The following CLIP3 variants were observed in gnomAD, a reference collection of about 807,000 sequenced individuals.
CLIP3 encodes CAP-Gly domain containing linker protein 3.
In CLIP3, 15 loss-of-function variants were observed where a neutral mutation model predicts 59.4. That is an observed-to-expected ratio of 0.25 (90% CI 0.17 to 0.39). The LOEUF (loss-of-function observed/expected upper bound fraction) is 0.39, where lower values mean the gene tolerates loss of function less well. CLIP3 is among the 10% of genes least tolerant of loss of function. CLIP3 has a pLI of 1.00. For synonymous variants in CLIP3, 300 were observed against 321.6 expected (o/e 0.93, Z 0.72); for missense variants, 495 against 765.7 (o/e 0.65, Z 4.17).
chr19:36,032,222 AG>A lies in CLIP3; in HGVS notation c.135del (p.Ser46ArgfsTer51), dbSNP rs1354668847. 3 of 1,299,868 alleles carry A rather than the reference AG, an allele frequency of 2.3e-6. No individual in the cohort carries two copies. Among genetic ancestry groups the A allele is most frequent in the Non-Finnish European group, 3.0e-6 (3 of 1,014,350 alleles). The allele number at this position is 1,299,868 out of a possible 1,614,324, so 80.5% of individuals were successfully genotyped here. ...TCCTTAGGGAGGGGGGCAGGTGCCG[AG>A]GGGTGCACAACAGGCTTCTGCCGGC... ...QERRQKPVVH[P>X]SAPAPLPKDY... On this transcript the variant is annotated frameshift_variant, in exon 2 of 14. Transcript: ENST00000360535. LOFTEE classifies it high-confidence loss of function. This position sits in a 1 kb window ranked among gnomAD's most constrained non-coding sequence, Gnocchi z 4.3.
chr19:36,019,375 G>A (rs769884686), intron 7 of CLIP3, 69 bp from the exon 8 acceptor site: 342 of 1,545,874 alleles, frequency 2.2e-4, no homozygotes, highest in Non-Finnish European at 2.8e-4. Flanking sequence ...GCCCACACAC[G>A]GGCAGCAAGG....
chr19:36,026,739 C>T lies in CLIP3; in HGVS notation c.409G>A (p.Ala137Thr). The change falls in exon 5 of 14, where the codon GCG (alanine) becomes ACG (threonine). Residue 137 changes from alanine (A) to threonine (T), a missense_variant. Transcript: ENST00000360535. The surrounding 1 kb of genome is among the most constrained non-coding windows in gnomAD (Gnocchi z 6.3). Reference protein sequence around the residue: ...KAGAHGVGDPAAAVRLSQQLL... With the variant: ...KAGAHGVGDPTAAVRLSQQLL... ...TGCTGCGAGAGGCGCACGGCTGCCG[C>T]GGGGTCCCCTGCGCGATAGGCCGGG... The T allele has an allele frequency of 1.9e-6, 3 of 1,596,934 alleles. No individual in the cohort carries two copies. The highest frequency in any genetic ancestry group is 1.7e-6 in the Non-Finnish European group (2 of 1,175,412).
chr19:36,017,494 C>T, intron 11 of CLIP3, 44 bp from the exon 12 acceptor site: 1 of 1,609,600 alleles, frequency 6.2e-7, no homozygotes, highest in Non-Finnish European at 8.5e-7. Flanking sequence ...CCACAAAAGG[C>T]CAGGGTCTGA....
intron 2 of CLIP3, 38 bp from the exon 3 acceptor site, chr19:36,027,309 T>A (rs776154755): frequency 6.4e-7 from 1 of 1,556,268 alleles, no homozygotes; most frequent in Admixed American, 1.9e-5. Context: ...CCCACGCAAC[T>A]GACCCCCTCC....
chr19:36,016,028 A>G lies in CLIP3; in HGVS notation c.*130T>C. The G allele has an allele frequency of 2.2e-6, 2 of 896,086 alleles. No homozygotes were observed. The highest frequency in any genetic ancestry group is 3.6e-6 in the Non-Finnish European group (2 of 551,328). 55.5% of individuals were successfully genotyped at this position (896,086 alleles called of 1,614,324 possible). ...GTTAATAATGGGGCCTCAATGATCG[A>G]GGGCTGGCTAACAGGGGTCTCTACT... On this transcript the variant is annotated 3_prime_UTR_variant, in exon 14 of 14. Coordinates refer to ENST00000360535, the MANE Select transcript of CLIP3 (RefSeq NM_015526.3). The surrounding 1 kb of genome is among the most constrained non-coding windows in gnomAD (Gnocchi z 4.1).
In CLIP3 at chr19:36,019,599, TTTTA is replaced by T. The variant is rs1555787367; in HGVS notation, c.919-297_919-294del. 1.0e-3 allele frequency among the ~76,000 whole-genome samples: 129 copies of T among 126,820 alleles called. 1 individual carries two copies. Among genetic ancestry groups the T allele is most frequent in the African/African-American group, 4.2e-3 (106 of 24,976 alleles). The allele number at this position is 126,820 out of a possible 152,430, so 83.2% of individuals were successfully genotyped here. A position where few individuals can be genotyped will look rare whatever the true frequency, so the allele number is the denominator to read the frequency against. On this transcript the variant is annotated intron_variant, in intron 7 of 13. Transcript: ENST00000360535. ...CAATGTAAATTTATTTATTTATTTA[TTTTA>T]TTTATTTTTTTTTTTTTCGAGACAG...
rs546893431 is a variant in CLIP3, at chr19:36,016,975, C to A, written c.1521G>T (p.Thr507=). ...GAKKVHQVTM[T]QPKRTFTTVR... ...CTGTGGTGAAGGTGCGTTTGGGCTG[C>A]GTCACTGAAGAGGAGGGCAGGATGT... is the stretch of plus-strand genomic sequence containing the variant. The change falls in exon 13 of 14, where the codon ACG becomes ACT. Residue 507 remains threonine, a synonymous_variant. Coordinates refer to ENST00000360535, the MANE Select transcript of CLIP3 (RefSeq NM_015526.3). The surrounding 1 kb of genome is among the most constrained non-coding windows in gnomAD (Gnocchi z 4.1). 6 of 1,613,880 alleles carry A rather than the reference C, an allele frequency of 3.7e-6. No homozygotes were observed. In the East Asian group the frequency reaches 1.3e-4, roughly 36 times the overall value.
At chr19:36,022,431 G>A (rs1487523204) in intron 7 of CLIP3, among the ~76,000 whole-genome samples, 3 of 152,182 alleles carry the variant, frequency 2.0e-5, no homozygotes, top group Non-Finnish European at 4.4e-5. Flanking sequence ...ATTTACCTGG[G>A]CAAGTCCCTG....
intron 2 of CLIP3, among the ~76,000 whole-genome samples, chr19:36,029,306 CAAAAAAA>C (rs774000215): frequency 8.3e-6 from 1 of 120,058 alleles, no homozygotes; most frequent in Non-Finnish European, 1.7e-5. Flanking sequence ...GAGTCCGTCT[CAAAAAAA>C]AAAAAAAAAA....
chr19:36,022,301 C>A (rs1211444573), intron 7 of CLIP3, among the ~76,000 whole-genome samples: 2 of 152,144 alleles, frequency 1.3e-5, no homozygotes, highest in East Asian at 3.8e-4. Context: ...TTAATTTAAA[C>A]CTCAACCAGC....
rs780639076 is a variant in CLIP3, at chr19:36,017,398, G to A, written c.1504C>T (p.His502Tyr). The stretch of plus-strand genomic sequence containing the variant: ...TCCCCTAACTCACTTGTCACTTGAT[G>A]CACTTTTTTGGCTCCAACGCTGTCC... ...PGDSVGAKKV[H>Y]QVTMTQPKRT... Residue 502 changes from histidine to tyrosine, a missense_variant, in exon 12 of 14, where the codon CAT becomes TAT. This residue lies in a region of CLIP3 where 179 missense variants were observed against 226.2 expected (regional missense o/e 0.79). Coordinates refer to ENST00000360535, the MANE Select transcript of CLIP3 (RefSeq NM_015526.3). 24 of 1,613,962 alleles carry A rather than the reference G, an allele frequency of 1.5e-5. No homozygotes were observed. Among genetic ancestry groups the A allele is most frequent in the Middle Eastern group, 1.6e-4 (1 of 6,084 alleles).
Position 36,032,366 on chromosome 19 carries a change from G to A in CLIP3, c.-9C>T. ...GGATCTGTCTTAGTCATGGTCCTCGGTGGCCCTCGGGGGGCGGGTGCAGAG... is the reference window on the plus strand; with the variant it reads ...GGATCTGTCTTAGTCATGGTCCTCGATGGCCCTCGGGGGGCGGGTGCAGAG... On this transcript the variant is annotated 5_prime_UTR_variant, in exon 2 of 14. Coordinates refer to ENST00000360535, the MANE Select transcript of CLIP3 (RefSeq NM_015526.3). The surrounding 1 kb of genome is among the most constrained non-coding windows in gnomAD (Gnocchi z 4.3). 3 of 1,244,710 alleles carry A rather than the reference G, an allele frequency of 2.4e-6. No individual in the cohort carries two copies. Among genetic ancestry groups the A allele is most frequent in the Non-Finnish European group, 2.0e-6 (2 of 983,932 alleles). 77.1% of individuals were successfully genotyped at this position (1,244,710 alleles called of 1,614,324 possible). A position where few individuals can be genotyped will look rare whatever the true frequency, so the allele number is the denominator to read the frequency against.
intron 7 of CLIP3, 114 bp downstream of exon 7, chr19:36,024,282 C>T (rs898450847): frequency 5.7e-5 from 47 of 819,836 alleles, no homozygotes; most frequent in Non-Finnish European, 7.7e-5. Flanking sequence ...ATAGTTAGGG[C>T]GGCAAGTAGA....
In CLIP3 at chr19:36,015,525, G is replaced by C. The variant is rs1271252280; in HGVS notation, c.*633C>G. 6.4e-5 allele frequency: 10 copies of C among 155,322 alleles called. No homozygotes were observed. The highest frequency in any genetic ancestry group is 6.3e-4 in the Admixed American group (10 of 15,894). 9.6% of individuals were successfully genotyped at this position (155,322 alleles called of 1,614,324 possible). Reference sequence around the variant, plus strand: ...TAATTAGCACTTCCAGGACTGTTTTGGTGTCTGTAAATTAGGGGTGACAGT... The same window carrying C: ...TAATTAGCACTTCCAGGACTGTTTTCGTGTCTGTAAATTAGGGGTGACAGT... On this transcript the variant is annotated 3_prime_UTR_variant, in exon 14 of 14. Transcript: ENST00000360535.
intron 7 of CLIP3, among the ~76,000 whole-genome samples, chr19:36,023,054 C>T (rs1968995435): frequency 6.6e-6 from 1 of 152,032 alleles, no homozygotes; most frequent in Non-Finnish European, 1.5e-5. Flanking sequence ...GACTCCATCT[C>T]AAAATAATAA....
chr19:36,018,674 G>A (rs1360773605), intron 9 of CLIP3, among the ~76,000 whole-genome samples: 2 of 152,040 alleles, frequency 1.3e-5, no homozygotes, highest in African/African-American at 4.8e-5. Context: ...TTGGGTCTGA[G>A]AGGAAACTAA....
chr19:36,022,460 T>G (rs1161674798), intron 7 of CLIP3, among the ~76,000 whole-genome samples: 1 of 152,208 alleles, frequency 6.6e-6, no homozygotes, highest in African/African-American at 2.4e-5. Context: ...TTCATGACGC[T>G]GTGCTATGCT....
chr19:36,014,950 C>T lies in CLIP3; in HGVS notation c.*1208G>A, dbSNP rs1968751769. On this transcript the variant is annotated 3_prime_UTR_variant, in exon 14 of 14. Transcript: ENST00000360535. The stretch of plus-strand genomic sequence containing the variant: ...TGGAGGCTTTAGGATTTGGGGTTCC[C>T]TTAGGGCTGGGGCTCTTGGAATTTG... 6.6e-6 allele frequency: 1 copy of T among 152,248 alleles called. No individual in the cohort carries two copies. The highest frequency in any genetic ancestry group is 1.5e-5 in the Non-Finnish European group (1 of 68,056). 9.4% of individuals were successfully genotyped at this position (152,248 alleles called of 1,614,324 possible).
At chr19:36,027,296 C>G (rs747007411) in intron 2 of CLIP3, 25 bp from the exon 3 acceptor site, 1 of 1,573,970 alleles carries the variant, frequency 6.4e-7, no homozygotes, top group East Asian at 2.2e-5. Flanking sequence ...GGTCCAAGGT[C>G]ACCCCACGCA....
Sources: gnomAD v4.1 joint callset for allele counts (sites outside exome capture counted in the v4.1 genomes callset) on GRCh38, gnomAD v4.1.1 for gene constraint, gnomAD v4.1.1 regional missense constraint, Gnocchi (gnomAD v3.1) non-coding constraint, MANE v1.5 for transcripts, NCBI Gene and HGNC (gene_info 2026-07-23, HGNC 2026-07-21) for gene names.